The following ZNF28 variants were observed in gnomAD, a reference collection of about 807,000 sequenced individuals.
ZNF28 encodes zinc finger protein KOX24.
Under a neutral mutation model 7.2 loss-of-function variants are expected in ZNF28, and 5 were observed. The observed-to-expected ratio is 0.70, with a 90% CI of 0.36 to 1.46. The LOEUF (loss-of-function observed/expected upper bound fraction) is 1.46, where lower values mean the gene tolerates loss of function less well. Ranked by LOEUF, ZNF28 falls within the 40% of genes most tolerant of loss-of-function variation. The pLI is 0.03. For synonymous variants in ZNF28, 288 were observed against 292.4 expected, an observed-to-expected ratio of 0.99 and a Z score of 0.15; for missense variants, 879 against 866.6, an observed-to-expected ratio of 1.01 and a Z score of -0.18.
chr19:52,808,996 ATATATGTATT>A (rs1340425370), intron 2 of ZNF28, among the ~76,000 whole-genome samples: 1 of 152,204 alleles, frequency 6.6e-6, no homozygotes, highest in Admixed American at 6.5e-5. Flanking sequence ...AGATGTGTGT[ATATATGTATT>A]TGTATGTATA....
At chr19:52,815,307 G>T (rs1409342230) in intron 2 of ZNF28, among the ~76,000 whole-genome samples, 1 of 143,148 alleles carries the variant, frequency 7.0e-6, no homozygotes, top group East Asian at 2.1e-4. Context: ...CCTGAAGACA[G>T]GAGTTCAACA....
chr19:52,803,482 C>T (rs2062899322), intron 3 of ZNF28, among the ~76,000 whole-genome samples: 1 of 152,038 alleles, frequency 6.6e-6, no homozygotes, highest in Non-Finnish European at 1.5e-5. Flanking sequence ...ATATTGCAAC[C>T]CATGATAAAA....
intron 1 of ZNF28, among the ~76,000 whole-genome samples, chr19:52,821,258 G>T (rs866945207): frequency 8.5e-5 from 13 of 152,144 alleles, no homozygotes; most frequent in African/African-American, 2.9e-4. Flanking sequence ...AGGCTGGGAG[G>T]CGCACAGGGT....
intron 2 of ZNF28, among the ~76,000 whole-genome samples, chr19:52,817,312 C>G (rs578239767): frequency 6.6e-6 from 1 of 151,868 alleles, no homozygotes; most frequent in Non-Finnish European, 1.5e-5. Context: ...GCGGAGGTTG[C>G]GGTGAGCTGA....
chr19:52,820,413 G>C (rs572343683), intron 1 of ZNF28, among the ~76,000 whole-genome samples: 1 of 146,094 alleles, frequency 6.8e-6, no homozygotes, highest in Non-Finnish European at 1.5e-5. Flanking sequence ...CACCGCGCCC[G>C]GCCCTTATTT....
chr19:52,811,095 T>C (rs987623617), intron 2 of ZNF28, among the ~76,000 whole-genome samples: 12 of 149,796 alleles, frequency 8.0e-5, no homozygotes, highest in East Asian at 2.0e-4. Flanking sequence ...GGTTTCGCTG[T>C]GTTGGCTGGG....
At chr19:52,812,672 GT>G (rs2063067682) in intron 2 of ZNF28, among the ~76,000 whole-genome samples, 1 of 125,228 alleles carries the variant, frequency 8.0e-6, no homozygotes, top group Non-Finnish European at 1.6e-5. Context: ...AGAGACCTTT[GT>G]TCACTTGTTT....
At position 52,809,828 on chromosome 19, in the gene ZNF28, C is replaced by T. The variant is rs2062991581; in HGVS notation, c.16-1695G>A. 21 of 550,932 alleles carry T rather than the reference C, an allele frequency of 3.8e-5. 1 individual carries two copies. Among genetic ancestry groups the T allele is most frequent in the South Asian group, 3.6e-4 (16 of 44,556 alleles). 34.1% of individuals were successfully genotyped at this position (550,932 alleles called of 1,614,324 possible). On this transcript the variant is annotated intron_variant, in intron 2 of 3. Transcript: ENST00000457749. Reference sequence around the variant, plus strand: ...AGCCCAGTCTGAGCGGCGAAGGCGGCGGCGGCGGCGGTGGCGGTGGTGGCA... The same window carrying T: ...AGCCCAGTCTGAGCGGCGAAGGCGGTGGCGGCGGCGGTGGCGGTGGTGGCA...
rs369669855 is a variant in ZNF28, at chr19:52,800,818, C to T, written c.1027G>A (p.Ala343Thr). ...CCAGTGTGAATTATAGTATGTTTTG[C>T]TAGGTATGAATTACATGTGAAAGCT... ...DKAFTCNSYL[A>T]KHTIIHTGEK... The change falls in exon 4 of 4, where the codon GCA (alanine) becomes ACA (threonine). Residue 343 changes from alanine to threonine, a missense_variant. Ala to Thr is a moderately conservative substitution (Grantham distance 58). Around this residue, in one of 2 missense-constraint regions of ZNF28, gnomAD observed 864 missense variants for 830.2 expected, o/e 1.04. Transcript: ENST00000457749. The T allele has an allele frequency of 1.1e-5, 17 of 1,613,760 alleles. No individual in the cohort carries two copies. Among genetic ancestry groups the T allele is most frequent in the African/African-American group, 4.0e-5 (3 of 74,824 alleles).
In ZNF28 at chr19:52,799,552, G is replaced by A. The variant is rs2062834410; in HGVS notation, c.*136C>T. The A allele has an allele frequency of 1.4e-6, 2 of 1,477,116 alleles. No individual in the cohort carries two copies. The highest frequency in any genetic ancestry group is 4.5e-5 in the East Asian group (2 of 44,226). The allele number at this position is 1,477,116 out of a possible 1,614,324, so 91.5% of individuals were successfully genotyped here. A position where few individuals can be genotyped will look rare whatever the true frequency, so the allele number is the denominator to read the frequency against. On this transcript the variant is annotated 3_prime_UTR_variant, in exon 4 of 4. Transcript: ENST00000457749. ...TTCTCTCCAGTATGAATGGCTTTGT[G>A]ACTTACAAGGGTTGAATTGTGATGG...
At chr19:52,810,260 T>C in intron 2 of ZNF28, 1 of 1,350,156 alleles carries the variant, frequency 7.4e-7, no homozygotes, top group Non-Finnish European at 1.1e-6. Flanking sequence ...CAGGCAATGC[T>C]GGCCCAGTGA....
Position 52,800,147 on chromosome 19 carries a change from C to T in ZNF28, c.1698G>A (p.Met566Ile). The T allele has an allele frequency of 6.2e-7, 1 of 1,605,980 alleles. No homozygotes were observed. Residue 566 changes from methionine (M) to isoleucine (I), a missense_variant, in exon 4 of 4, where the codon ATG (methionine) becomes ATA (isoleucine). Around this residue, in one of 2 missense-constraint regions of ZNF28, gnomAD observed 864 missense variants for 830.2 expected, o/e 1.04. Coordinates refer to ENST00000457749, the MANE Select transcript of ZNF28 (RefSeq NM_006969.5). ...CEKVFSRKSH[M>I]ERHRRIHTGE... ...CAGTATGAATCCTCCTATGTCTTTC[C>T]ATGTGTGATTTGCGACTGAAAACTT...
intron 1 of ZNF28, among the ~76,000 whole-genome samples, chr19:52,820,415 C>A (rs1341553594): frequency 1.5e-5 from 1 of 66,450 alleles, no homozygotes; most frequent in Non-Finnish European, 3.0e-5. Context: ...CCGCGCCCGG[C>A]CCTTATTTAA....
At chr19:52,814,904 T>A (rs1313332589) in intron 2 of ZNF28, among the ~76,000 whole-genome samples, 1 of 145,712 alleles carries the variant, frequency 6.9e-6, no homozygotes, top group Non-Finnish European at 1.5e-5. Context: ...AATAAATATA[T>A]GAAAACAGAA....
In ZNF28 at chr19:52,797,620, AAAGT is replaced by A. The variant is rs533282046; in HGVS notation, c.*2064_*2067del. On this transcript the variant is annotated 3_prime_UTR_variant, in exon 4 of 4. Coordinates refer to ENST00000457749, the MANE Select transcript of ZNF28 (RefSeq NM_006969.5). ...ACCACTTCCATTTGCTAAAGAGCTT[AAAGT>A]AAGAAATATTTAGGAATAAACATAT... 35 of 154,410 alleles carry A rather than the reference AAAGT, an allele frequency of 2.3e-4. No individual in the cohort carries two copies. Among genetic ancestry groups the A allele is most frequent in the African/African-American group, 7.0e-4 (29 of 41,582 alleles). 9.6% of individuals were successfully genotyped at this position (154,410 alleles called of 1,614,324 possible).
At chr19:52,815,253 C>T (rs1255019946) in intron 2 of ZNF28, among the ~76,000 whole-genome samples, 4 of 145,542 alleles carry the variant, frequency 2.7e-5, no homozygotes, top group Admixed American at 1.4e-4. Flanking sequence ...CAGTGGCTCA[C>T]ACCTGTAATC....
At chr19:52,802,094 A>T (rs1243888424) in intron 3 of ZNF28, among the ~76,000 whole-genome samples, 13 of 152,258 alleles carry the variant, frequency 8.5e-5, no homozygotes, top group Non-Finnish European at 2.9e-5. Context: ...AATGCTAAAG[A>T]ACCACACAAT....
rs763005593 is a variant in ZNF28, at chr19:52,801,183, C to T, written c.662G>A (p.Gly221Asp). 3 of 1,614,032 alleles carry T rather than the reference C, an allele frequency of 1.9e-6. No homozygotes were observed. In the South Asian group the frequency reaches 3.3e-5, roughly 18 times the overall value. Residue 221 changes from glycine (G) to aspartate (D), a missense_variant, in exon 4 of 4, where the codon GGC becomes GAC. Transcript: ENST00000457749. ...REKSFQCIES[G>D]KSFNCSSLLK... is the part of the protein sequence containing the mutation. ...AAGTGAGCTACAATTAAAGGATTTG[C>T]CACTCTCAATACATTGGAAAGATTT... is the stretch of plus-strand genomic sequence containing the variant.
chr19:52,801,477 G>T lies in ZNF28; in HGVS notation c.368C>A (p.Thr123Lys), dbSNP rs772897192. ...MTEIKELTGSTGQHDQRHAGN... is the reference protein window; with the variant it reads ...MTEIKELTGSKGQHDQRHAGN... The stretch of plus-strand genomic sequence containing the variant: ...AGCATGCCTTTGATCATGTTGGCCT[G>T]TACTACCAGTCAACTCTTTGATTTC... The change falls in exon 4 of 4, where the codon ACA (threonine) becomes AAA (lysine). Residue 123 changes from threonine (T) to lysine (K), a missense_variant. By Grantham distance (78) the Thr-to-Lys change is moderately conservative (BLOSUM62 -1). Around this residue, in one of 2 missense-constraint regions of ZNF28, gnomAD observed 864 missense variants for 830.2 expected, o/e 1.04. Transcript: ENST00000457749. 1.2e-6 allele frequency: 2 copies of T among 1,614,000 alleles called. No individual in the cohort carries two copies. Among genetic ancestry groups the T allele is most frequent in the Non-Finnish European group, 1.7e-6 (2 of 1,179,986 alleles).
Sources: allele counts gnomAD v4.1 joint callset (sites outside exome capture counted in the v4.1 genomes callset), GRCh38; gene constraint gnomAD v4.1.1; regional missense constraint gnomAD v4.1.1; transcripts MANE v1.5; gene names NCBI Gene and HGNC (gene_info 2026-07-23, HGNC 2026-07-21).